IL1RAP: variants seen among roughly 807,000 people sequenced by gnomAD.
IL1RAP encodes the protein interleukin-1 receptor accessory protein.
IL1RAP carries 35 observed loss-of-function variants against 60.7 expected under a neutral mutation model. The observed-to-expected ratio is 0.58, with a 90% CI of 0.44 to 0.76. The LOEUF (loss-of-function observed/expected upper bound fraction) is 0.76. IL1RAP is among the 30% of genes least tolerant of loss of function. The pLI is 0.00. For missense variants in IL1RAP, 572 were observed against 693.9 expected (o/e 0.82, Z 1.97); for synonymous variants, 268 against 250.9 (o/e 1.07, Z -0.64).
At chr3:190,604,799 C>G (rs1479545472) in intron 4 of IL1RAP, among the ~76,000 whole-genome samples, 1 of 152,134 alleles carries the variant, frequency 6.6e-6, no homozygotes, top group Non-Finnish European at 1.5e-5. Flanking sequence ...TGGCATCTTT[C>G]AAAGTACTTG....
At chr3:190,588,262 C>T (rs1048195505) in intron 3 of IL1RAP, among the ~76,000 whole-genome samples, 11 of 152,080 alleles carry the variant, frequency 7.2e-5, no homozygotes, top group African/African-American at 1.7e-4. Context: ...TACAGGCATG[C>T]GCCACCACGC....
chr3:190,654,070 A>G (rs1734519551), downstream of IL1RAP, among the ~76,000 whole-genome samples: 1 of 152,022 alleles, frequency 6.6e-6, no homozygotes, highest in South Asian at 2.1e-4. Flanking sequence ...AGAGCAACAG[A>G]CTCAAAAGTC....
At position 190,577,442 on chromosome 3, in the gene IL1RAP, C is replaced by T. The variant is rs112998423; in HGVS notation, c.64+13089C>T. Among the ~76,000 whole-genome samples the T allele has an allele frequency of 5.3e-3, 803 of 152,186 alleles. 9 individuals carry two copies. The highest frequency in any genetic ancestry group is 9.3e-3 in the South Asian group (45 of 4,828). ...TTTTACCACATGAAAATTGGTAAACCGATGCTAGAAATTAGCTTTGTCATC... is the reference window on the plus strand; with the variant it reads ...TTTTACCACATGAAAATTGGTAAACTGATGCTAGAAATTAGCTTTGTCATC... On this transcript the variant is annotated intron_variant, in intron 3 of 11. Transcript: ENST00000447382.
At chr3:190,628,203 C>T (rs930499353) in intron 8 of IL1RAP, among the ~76,000 whole-genome samples, 8 of 152,206 alleles carry the variant, frequency 5.3e-5, no homozygotes, top group Admixed American at 3.3e-4. Context: ...ATACCATTAC[C>T]GAACAGCAGT....
At chr3:190,601,613 G>A (rs183506026) in intron 3 of IL1RAP, among the ~76,000 whole-genome samples, 1 of 152,224 alleles carries the variant, frequency 6.6e-6, no homozygotes, top group African/African-American at 2.4e-5. Context: ...CAAGTGAGTT[G>A]TTTTGCCAGT....
intron 5 of IL1RAP, among the ~76,000 whole-genome samples, chr3:190,614,168 A>G (rs1235527201): frequency 6.6e-6 from 1 of 150,928 alleles, no homozygotes; most frequent in Non-Finnish European, 1.5e-5. Flanking sequence ...CTATGGATCT[A>G]TCTTTTAATC....
intron 3 of IL1RAP, among the ~76,000 whole-genome samples, chr3:190,584,410 G>T (rs1018293985): frequency 1.3e-5 from 2 of 152,132 alleles, no homozygotes; most frequent in Non-Finnish European, 2.9e-5. Context: ...AAGGTCATTA[G>T]GTATGTTTAA....
Position 190,620,317 on chromosome 3 carries a change from G to A in IL1RAP, c.580G>A (p.Gly194Ser), listed in dbSNP as rs1560219706. ...IQNFNNVIPE[G>S]MNLSFLIALI... ...GAATTTTAATAATGTAATACCCGAA[G>A]GTATGAACTTGAGTTTCCTCATTGC... The change falls in exon 6 of 12, where the codon GGT becomes AGT. Residue 194 changes from glycine (G) to serine (S), a missense_variant. Physicochemically the swap from Gly to Ser is moderately conservative, Grantham distance 56. Transcript: ENST00000447382. 5 of 1,592,616 alleles carry A rather than the reference G, an allele frequency of 3.1e-6. No homozygotes were observed. Among genetic ancestry groups the A allele is most frequent in the East Asian group, 2.2e-5 (1 of 44,688 alleles).
At chr3:190,621,142 A>G (rs890243275) in intron 6 of IL1RAP, among the ~76,000 whole-genome samples, 1 of 152,174 alleles carries the variant, frequency 6.6e-6, no homozygotes, top group African/African-American at 2.4e-5. Context: ...AAAAGATAGC[A>G]TCTCTGGGTA....
intron 9 of IL1RAP, among the ~76,000 whole-genome samples, chr3:190,634,707 G>GTGTTT (rs1733056502): frequency 7.4e-6 from 1 of 134,714 alleles, no homozygotes; most frequent in African/African-American, 3.0e-5. Context: ...GGCCTGTTGT[G>GTGTTT]TTTTTTTTTT....
chr3:190,540,261 G>A lies in IL1RAP; in HGVS notation c.-88-15869G>A, dbSNP rs575821747. ...CTCTCTTCTCTCTTCCGTCCTCTCT[G>A]CCTTCCTCCCTCCTTCCCAAGGTGT... On this transcript the variant is annotated intron_variant, in intron 1 of 11. Coordinates refer to ENST00000447382, the MANE Select transcript of IL1RAP (RefSeq NM_002182.4). Among the ~76,000 whole-genome samples, 7 of 151,950 alleles carry A rather than the reference G, an allele frequency of 4.6e-5. No homozygotes were observed. The East Asian group carries it at 1.2e-3, about 25-fold the overall frequency.
At chr3:190,550,603 T>C (rs1403459841) in intron 1 of IL1RAP, 7 of 152,242 alleles carry the variant, frequency 4.6e-5, no homozygotes, top group African/African-American at 1.7e-4. Flanking sequence ...CTCCAGCTGA[T>C]GGATATACTA....
At chr3:190,517,451 G>T (rs1721627859) in intron 1 of IL1RAP, among the ~76,000 whole-genome samples, 1 of 152,108 alleles carries the variant, frequency 6.6e-6, no homozygotes, top group African/African-American at 2.4e-5. Context: ...GGTGGCATTT[G>T]CAGAAAGAGA....
At chr3:190,545,397 G>T (rs1257834226) in intron 1 of IL1RAP, among the ~76,000 whole-genome samples, 1 of 152,118 alleles carries the variant, frequency 6.6e-6, no homozygotes, top group Admixed American at 6.5e-5. Context: ...GACAATTACA[G>T]AAGCACTTAC....
chr3:190,635,242 G>T (rs557160155), intron 9 of IL1RAP, among the ~76,000 whole-genome samples: 1 of 151,956 alleles, frequency 6.6e-6, no homozygotes, highest in African/African-American at 2.4e-5. Context: ...ATTAGTAATT[G>T]GTGTTTTGCC....
rs934895835 is a variant in IL1RAP at position 190,656,812 on chromosome 3, G to A, written c.*205G>A. The A allele has an allele frequency of 3.0e-5, 14 of 473,010 alleles. No individual in the cohort carries two copies. The East Asian group carries it at 4.6e-4, about 15-fold the overall frequency. The allele number at this position is 473,010 out of a possible 1,614,324, so 29.3% of individuals were successfully genotyped here. ...TATTGCCTCTAAAGGCCTCAGAAGA[G>A]CACACTCTTCTTGGGCCCTAGAAGG... On this transcript the variant is annotated 3_prime_UTR_variant, in exon 12 of 12. Transcript: ENST00000317757.
At chr3:190,555,146 G>A (rs1208705039) in intron 1 of IL1RAP, among the ~76,000 whole-genome samples, 1 of 152,098 alleles carries the variant, frequency 6.6e-6, no homozygotes, top group Non-Finnish European at 1.5e-5. Context: ...TTCTATGCTG[G>A]GAAAAGTAAT....
At chr3:190,652,320 G>A (rs1005316666), downstream of IL1RAP, among the ~76,000 whole-genome samples, 1 of 151,916 alleles carries the variant, frequency 6.6e-6, no homozygotes, top group Non-Finnish European at 1.5e-5. Context: ...AAATTAGCTG[G>A]GCATAGTGGT....
At chr3:190,585,242 T>C (rs757318702) in intron 3 of IL1RAP, among the ~76,000 whole-genome samples, 7 of 152,132 alleles carry the variant, frequency 4.6e-5, no homozygotes, top group Non-Finnish European at 4.4e-5. Context: ...TGCCAGGCAA[T>C]GCAGTCTTTC....
Sources: gnomAD v4.1 joint callset for allele counts (sites outside exome capture counted in the v4.1 genomes callset) on GRCh38, gnomAD v4.1.1 for gene constraint, MANE v1.5 for transcripts, NCBI Gene and HGNC (gene_info 2026-07-23, HGNC 2026-07-21) for gene names.